Variants in MAX observed in about 807,000 individuals in gnomAD.
MAX encodes MYC associated transcriptional regulator X, also known as protein max.
Under a neutral mutation model 22.3 loss-of-function variants are expected in MAX, and 3 were observed. The ratio of observed to expected loss-of-function variants is 0.13; its 90% CI spans 0.06 to 0.35. MAX has a LOEUF of 0.35. MAX is among the 10% of genes least tolerant of loss of function. MAX has a pLI of 1.00. For synonymous variants in MAX, 72 were observed against 77.7 expected, an observed-to-expected ratio of 0.93 and a Z score of 0.39; for missense variants, 119 against 209.4, an observed-to-expected ratio of 0.57 and a Z score of 2.66.
At chr14:65,024,269 T>A (rs1254809549) in intron 3 of MAX, among the ~76,000 whole-genome samples, 1 of 152,204 alleles carries the variant, frequency 6.6e-6, no homozygotes, top group Non-Finnish European at 1.5e-5. Context: ...TACTGCCACC[T>A]GGGTCCCACC....
At chr14:65,033,843 C>T (rs182686453) in intron 3 of MAX, among the ~76,000 whole-genome samples, 12 of 152,006 alleles carry the variant, frequency 7.9e-5, no homozygotes, top group Non-Finnish European at 1.3e-4. Context: ...GGCGACAGGG[C>T]GAGACTCCAT....
At chr14:65,039,735 T>C (rs1327979484) in intron 3 of MAX, among the ~76,000 whole-genome samples, 1 of 152,220 alleles carries the variant, frequency 6.6e-6, no homozygotes, top group Non-Finnish European at 1.5e-5. Context: ...TTTATTTGGC[T>C]CATGGTTCTG....
At chr14:65,101,014 T>C (rs1198488510) in intron 2 of MAX, among the ~76,000 whole-genome samples, 2 of 152,224 alleles carry the variant, frequency 1.3e-5, no homozygotes, top group African/African-American at 2.4e-5. Context: ...ATGTGACACT[T>C]TGATGATGTA....
chr14:65,102,594 C>T, upstream of MAX: 1 of 1,409,922 alleles, frequency 7.1e-7, no homozygotes, highest in Non-Finnish European at 9.2e-7. Flanking sequence ...CTGGGGCAGC[C>T]GAGACTTGTA....
At chr14:65,041,730 C>T (rs557618148) in intron 3 of MAX, among the ~76,000 whole-genome samples, 31 of 152,270 alleles carry the variant, frequency 2.0e-4, no homozygotes, top group African/African-American at 5.8e-4. Context: ...AAGCCTCCCC[C>T]GGTGTAGTCT....
At chr14:65,040,450 C>T (rs1458759436) in intron 3 of MAX, among the ~76,000 whole-genome samples, 3 of 151,634 alleles carry the variant, frequency 2.0e-5, no homozygotes, top group African/African-American at 7.3e-5. Context: ...ATTATACTTA[C>T]ATTTTTTGGA....
intron 3 of MAX, among the ~76,000 whole-genome samples, chr14:65,016,051 G>T (rs1227371829): frequency 6.6e-6 from 1 of 152,190 alleles, no homozygotes; most frequent in East Asian, 1.9e-4. Flanking sequence ...GTATGCATTT[G>T]AACAGCTTCT....
intron 3 of MAX, among the ~76,000 whole-genome samples, chr14:65,067,628 T>G (rs1287938003): frequency 1.3e-5 from 2 of 151,638 alleles, no homozygotes. Flanking sequence ...GGTTTATGTT[T>G]TTTTTTTTTT....
At position 65,054,300 on chromosome 14, in the gene MAX, C is replaced by T. The variant is rs1022797404; in HGVS notation, c.171+39408G>A. Among the ~76,000 whole-genome samples, 24 of 151,858 alleles carry T rather than the reference C, an allele frequency of 1.6e-4. No individual in the cohort carries two copies. Among genetic ancestry groups the T allele is most frequent in the African/African-American group, 5.3e-4 (22 of 41,354 alleles). On this transcript the variant is annotated intron_variant, in intron 3 of 3. Transcript: ENST00000341653. This position sits in a 1 kb window ranked among gnomAD's most constrained non-coding sequence, Gnocchi z 4.4. ...GCTAATTTTTAATTTTTTGTAGAGA[C>T]GGGGTCTCCCATGTTGCCCAAGTTG...
chr14:65,073,349 GT>G (rs201981604), downstream of MAX, among the ~76,000 whole-genome samples: 1,035 of 152,284 alleles, frequency 6.8e-3, 7 homozygotes, highest in African/African-American at 0.024. Context: ...ACTCAGTCTT[GT>G]TTTTTAAACC....
At chr14:65,091,113 A>C (rs1218239813) in intron 3 of MAX, among the ~76,000 whole-genome samples, 1 of 152,236 alleles carries the variant, frequency 6.6e-6, no homozygotes, top group Non-Finnish European at 1.5e-5. Flanking sequence ...CCCAAAACTC[A>C]CATGGTAAAA....
At position 65,032,675 on chromosome 14, in the gene MAX, G is replaced by A; in HGVS notation, c.172-26391C>T. The A allele has an allele frequency of 6.2e-7, 1 of 1,613,824 alleles. No homozygotes were observed. Among genetic ancestry groups the A allele is most frequent in the South Asian group, 1.1e-5 (1 of 91,046 alleles). ...ATCATCACTCCAGACCTCTTTGAGG[G>A]CACTGCTGAATGGATAGCAAGGTGA... is the stretch of plus-strand genomic sequence containing the variant. On this transcript the variant is annotated intron_variant, in intron 3 of 3. Coordinates refer to the MAX transcript ENST00000341653. This position sits in a 1 kb window ranked among gnomAD's most constrained non-coding sequence, Gnocchi z 5.0.
rs139098524 is a variant in MAX at position 65,011,041 on chromosome 14, A to G, written c.172-4757T>C. Among the ~76,000 whole-genome samples, 317 of 152,288 alleles carry G rather than the reference A, an allele frequency of 2.1e-3. 1 individual carries two copies. Among genetic ancestry groups the G allele is most frequent in the African/African-American group, 7.4e-3 (306 of 41,562 alleles). ...TATCCCCTCCCTTTTGAGCCTCAGT[A>G]GTATGTTTTTCCCTTGCAAAACCTA... On this transcript the variant is annotated intron_variant, in intron 3 of 3. Coordinates refer to the MAX transcript ENST00000341653. This position sits in a 1 kb window ranked among gnomAD's most constrained non-coding sequence, Gnocchi z 4.0.
intron 2 of MAX, among the ~76,000 whole-genome samples, chr14:65,097,506 C>A (rs1345740762): frequency 2.0e-5 from 3 of 152,172 alleles, no homozygotes; most frequent in African/African-American, 4.8e-5. Context: ...GACAGCTAAC[C>A]CCACCTATAA....
In MAX at chr14:65,077,872, A is replaced by C; in HGVS notation, c.295+41T>G. The C allele has an allele frequency of 6.2e-7, 1 of 1,614,214 alleles. No homozygotes were observed. Among genetic ancestry groups the C allele is most frequent in the East Asian group, 2.2e-5 (1 of 44,878 alleles). On this transcript the variant is annotated intron_variant, in intron 4 of 4. Coordinates refer to ENST00000358664, the MANE Select transcript of MAX (RefSeq NM_002382.5). The surrounding 1 kb of genome is among the most constrained non-coding windows in gnomAD (Gnocchi z 6.3). ...AGGTGCCAAAGCCTGACCTGGCTGG[A>C]GCACAGCAGGGCCAGCTGCCCCACG...
chr14:65,034,985 C>CATG (rs2139599162), intron 3 of MAX, among the ~76,000 whole-genome samples: 1 of 152,380 alleles, frequency 6.6e-6, no homozygotes, highest in Non-Finnish European at 1.5e-5. Flanking sequence ...AACTGTCACT[C>CATG]ATGCAGCAGC....
intron 3 of MAX, among the ~76,000 whole-genome samples, chr14:65,034,753 T>C (rs956482857): frequency 6.6e-6 from 1 of 152,238 alleles, no homozygotes; most frequent in Non-Finnish European, 1.5e-5. Flanking sequence ...ATGTCTGCTT[T>C]AAATTGCTTG....
At chr14:65,092,049 A>C (rs1329846828) in intron 3 of MAX, among the ~76,000 whole-genome samples, 1 of 152,232 alleles carries the variant, frequency 6.6e-6, no homozygotes, top group South Asian at 2.1e-4. Context: ...AGAAAGGAGA[A>C]AATAGGATTT....
At chr14:65,049,122 G>A (rs1485052719) in intron 3 of MAX, among the ~76,000 whole-genome samples, 8 of 105,582 alleles carry the variant, frequency 7.6e-5, no homozygotes, top group African/African-American at 1.8e-4. Context: ...GCAGGACTCC[G>A]TCTAAAAAAA....
Sources: allele counts gnomAD v4.1 joint callset (sites outside exome capture counted in the v4.1 genomes callset), GRCh38; gene constraint gnomAD v4.1.1; non-coding constraint Gnocchi (gnomAD v3.1); transcripts MANE v1.5; gene names NCBI Gene and HGNC (gene_info 2026-07-23, HGNC 2026-07-21).